LRP12: variants seen among roughly 807,000 people sequenced by gnomAD.
LRP12 encodes low-density lipoprotein receptor-related protein 12.
In LRP12, 14 loss-of-function variants were observed where a neutral mutation model predicts 66.0. The observed-to-expected ratio is 0.21, with a 90% CI of 0.14 to 0.33. LRP12 has a LOEUF of 0.33. LRP12 is among the 10% of genes least tolerant of loss of function. LRP12 has a pLI of 1.00. For missense variants in LRP12, 889 were observed against 1,053.4 expected (o/e 0.84, Z 2.16); for synonymous variants, 357 against 359.1 (o/e 0.99, Z 0.07).
At chr8:104,547,452 A>C (rs945799895) in intron 1 of LRP12, among the ~76,000 whole-genome samples, 1 of 134,560 alleles carries the variant, frequency 7.4e-6, no homozygotes, top group African/African-American at 2.7e-5. Flanking sequence ...TTTGTATATA[A>C]TATATAATTC....
At chr8:104,572,329 G>A (rs1812093059) in intron 1 of LRP12, among the ~76,000 whole-genome samples, 1 of 152,142 alleles carries the variant, frequency 6.6e-6, no homozygotes, top group Non-Finnish European at 1.5e-5. Context: ...CCTGATTTTA[G>A]TGGCAGCTAC....
chr8:104,545,062 T>C (rs1350580304), intron 1 of LRP12, among the ~76,000 whole-genome samples: 2 of 152,126 alleles, frequency 1.3e-5, no homozygotes, highest in Non-Finnish European at 2.9e-5. Context: ...TAACAGGAGC[T>C]TGGATGAAGT....
At chr8:104,520,022 T>G (rs1218354345) in intron 2 of LRP12, among the ~76,000 whole-genome samples, 1 of 149,140 alleles carries the variant, frequency 6.7e-6, no homozygotes, top group Non-Finnish European at 1.5e-5. Context: ...AAATACAAAG[T>G]CAGAAGAGGC....
chr8:104,557,464 T>C (rs1811828103), intron 1 of LRP12, among the ~76,000 whole-genome samples: 1 of 151,618 alleles, frequency 6.6e-6, no homozygotes, highest in Non-Finnish European at 1.5e-5. Flanking sequence ...CACAAATCAG[T>C]AGCACCACTA....
chr8:104,554,050 T>C (rs1324658616), intron 1 of LRP12, among the ~76,000 whole-genome samples: 1 of 151,996 alleles, frequency 6.6e-6, no homozygotes, highest in Non-Finnish European at 1.5e-5. Flanking sequence ...GCAGTTCACC[T>C]CTCAGGAATA....
intron 1 of LRP12, among the ~76,000 whole-genome samples, chr8:104,539,496 CAAAA>C (rs34124299): frequency 6.7e-6 from 1 of 149,526 alleles, no homozygotes; most frequent in Non-Finnish European, 1.5e-5. Context: ...ATTTTTTAAA[CAAAA>C]AAAAACCCCT....
At chr8:104,498,714 T>C (rs1486360672) in intron 4 of LRP12, among the ~76,000 whole-genome samples, 2 of 152,218 alleles carry the variant, frequency 1.3e-5, no homozygotes, top group African/African-American at 4.8e-5. Context: ...TCTTTATAAA[T>C]GGAATGATTT....
At chr8:104,571,097 A>C (rs1051709950) in intron 1 of LRP12, among the ~76,000 whole-genome samples, 3 of 152,146 alleles carry the variant, frequency 2.0e-5, no homozygotes, top group Non-Finnish European at 2.9e-5. Context: ...CAACTGAAAC[A>C]CTCCCACACT....
chr8:104,497,056 A>G lies in LRP12; in HGVS notation c.1496T>C (p.Ile499Thr), dbSNP rs1466579462. 9 of 1,609,330 alleles carry G rather than the reference A, an allele frequency of 5.6e-6. No homozygotes were observed. Among genetic ancestry groups the G allele is most frequent in the Non-Finnish European group, 6.8e-6 (8 of 1,177,248 alleles). The change falls in exon 5 of 7, where the codon ATA (isoleucine) becomes ACA (threonine). Residue 499 changes from isoleucine (I) to threonine (T), a missense_variant. Ile to Thr is a moderately conservative substitution (Grantham distance 89). This residue lies in a region of LRP12 where 800 missense variants were observed against 964.5 expected (regional missense o/e 0.83). Transcript: ENST00000276654. The surrounding 1 kb of genome is among the most constrained non-coding windows in gnomAD (Gnocchi z 4.3). The stretch of plus-strand genomic sequence containing the variant: ...TAACAGGCCACAGATGAGGCTCCCT[A>G]TGACGGCAGCAGTGATGACTCTTGT... ...VPTRVITAAV[I>T]GSLICGLLLV...
In LRP12 at chr8:104,524,511, T is replaced by C. The variant is rs142967980; in HGVS notation, c.136+7396A>G. Reference sequence around the variant, plus strand: ...GGCAAAATCCATTGGAAACAACCCATTGTAATGAAGTCACATGATGGAAAT... The same window carrying C: ...GGCAAAATCCATTGGAAACAACCCACTGTAATGAAGTCACATGATGGAAAT... On this transcript the variant is annotated intron_variant, in intron 2 of 6. Coordinates refer to ENST00000276654, the MANE Select transcript of LRP12 (RefSeq NM_013437.5). Among the ~76,000 whole-genome samples the C allele has an allele frequency of 1.9e-3, 289 of 152,192 alleles. 4 individuals carry two copies. The highest frequency in any genetic ancestry group is 8.3e-3 in the East Asian group (43 of 5,178).
intron 1 of LRP12, among the ~76,000 whole-genome samples, chr8:104,584,105 T>C (rs942877768): frequency 2.0e-5 from 3 of 152,088 alleles, no homozygotes; most frequent in East Asian, 1.9e-4. Flanking sequence ...ATAAATAATG[T>C]ACATCTATTA....
At chr8:104,502,075 A>T (rs1162280172) in intron 3 of LRP12, among the ~76,000 whole-genome samples, 1 of 152,230 alleles carries the variant, frequency 6.6e-6, no homozygotes. Flanking sequence ...TCTATCACAC[A>T]GTTAAATTAG....
chr8:104,530,558 C>A (rs1302510252), intron 2 of LRP12, among the ~76,000 whole-genome samples: 1 of 152,160 alleles, frequency 6.6e-6, no homozygotes, highest in Non-Finnish European at 1.5e-5. Flanking sequence ...ACTTTCAGAA[C>A]TGTGAGAAAA....
intron 1 of LRP12, among the ~76,000 whole-genome samples, chr8:104,548,222 T>C (rs1404604482): frequency 7.2e-4 from 73 of 101,732 alleles, no homozygotes; most frequent in South Asian, 1.0e-3. Context: ...TATTAATATA[T>C]GATATATTTA....
At chr8:104,528,715 T>A (rs1157753420) in intron 2 of LRP12, among the ~76,000 whole-genome samples, 1 of 151,524 alleles carries the variant, frequency 6.6e-6, no homozygotes, top group African/African-American at 2.4e-5. Context: ...GCAGCGGTCG[T>A]AGTGAACTGA....
At chr8:104,524,600 G>GA (rs2140856364) in intron 2 of LRP12, among the ~76,000 whole-genome samples, 1 of 152,242 alleles carries the variant, frequency 6.6e-6, no homozygotes, top group East Asian at 1.9e-4. Flanking sequence ...GTGTTAAACA[G>GA]AAAGAGCAGG....
rs1810624505 is a variant in LRP12, at chr8:104,491,281, C to G, written c.1972G>C (p.Glu658Gln). The change falls in exon 7 of 7, where the codon GAA becomes CAA. Residue 658 changes from glutamate to glutamine, a missense_variant. Transcript: ENST00000276654. ...CCTGCCATATCTCTTCTCTCATTTT[C>G]TGTGTCTGTATCATCAGACTCCACG... is the stretch of plus-strand genomic sequence containing the variant. ...FSVESDDTDT[E>Q]NERRDMAGAS... 7 of 1,614,098 alleles carry G rather than the reference C, an allele frequency of 4.3e-6. No homozygotes were observed. The highest frequency in any genetic ancestry group is 5.9e-6 in the Non-Finnish European group (7 of 1,180,006).
chr8:104,587,096 C>T (rs79052143), intron 1 of LRP12, among the ~76,000 whole-genome samples: 10,296 of 152,150 alleles, frequency 0.068, 397 homozygotes, highest in South Asian at 0.08. Flanking sequence ...TCTTATCCCT[C>T]GAGGCAAAAG....
intron 1 of LRP12, among the ~76,000 whole-genome samples, chr8:104,538,148 A>C (rs567178420): frequency 9.2e-5 from 14 of 152,336 alleles, no homozygotes; most frequent in African/African-American, 2.4e-4. Flanking sequence ...TGAGGTGTTG[A>C]ATTACATTTT....
Sources: allele counts gnomAD v4.1 joint callset (sites outside exome capture counted in the v4.1 genomes callset), GRCh38; gene constraint gnomAD v4.1.1; regional missense constraint gnomAD v4.1.1; non-coding constraint Gnocchi (gnomAD v3.1); transcripts MANE v1.5; gene names NCBI Gene and HGNC (gene_info 2026-07-23, HGNC 2026-07-21).